The following OSBPL6 variants were observed in gnomAD, a reference collection of about 807,000 sequenced individuals.
The protein encoded by OSBPL6 is oxysterol-binding protein-related protein 6.
OSBPL6 carries 49 observed loss-of-function variants against 125.8 expected under a neutral mutation model. The ratio of observed to expected loss-of-function variants is 0.39; its 90% CI spans 0.31 to 0.49. The LOEUF (loss-of-function observed/expected upper bound fraction) is 0.49, where lower values mean the gene tolerates loss of function less well. Among genes scored for constraint, OSBPL6 ranks in the 20% least tolerant of loss-of-function variants. The pLI is 0.88. For synonymous variants in OSBPL6, 394 were observed against 391.8 expected (o/e 1.01, Z -0.07); for missense variants, 986 against 1,135.4 (o/e 0.87, Z 1.89).
At chr2:178,294,526 AG>A (rs1192949891) in intron 2 of OSBPL6, among the ~76,000 whole-genome samples, 1 of 152,186 alleles carries the variant, frequency 6.6e-6, no homozygotes, top group Non-Finnish European at 1.5e-5. Flanking sequence ...TAGTGCTAAG[AG>A]CAGGTTGTTG....
chr2:178,324,215 C>A lies in OSBPL6; in HGVS notation c.141C>A (p.Thr47=), dbSNP rs139099797. ...HILERTASSS[T]EPSVSRQLLE... is the part of the protein sequence containing the mutation. The stretch of plus-strand genomic sequence containing the variant: ...TGGAGAGGACTGCTTCCTCTAGCAC[C>A]GAGCCCTCTGTAAGTCGGCAATTGC... Residue 47 remains threonine, a synonymous_variant, in exon 4 of 25, where the codon ACC becomes ACA. Transcript: ENST00000190611. 10 of 1,582,966 alleles carry A rather than the reference C, an allele frequency of 6.3e-6. No individual in the cohort carries two copies. Among genetic ancestry groups the A allele is most frequent in the Non-Finnish European group, 7.8e-6 (9 of 1,158,790 alleles).
Position 178,265,191 on chromosome 2 carries a change from C to CTTTT in OSBPL6, c.-350-19701_-350-19698dup, listed in dbSNP as rs376718500. ...GTCACTTCCCCTGGCCCAGACGAGA[C>CTTTT]TTTTTTTTTTTTTTTTTTTTTTTTT... On this transcript the variant is annotated intron_variant, in intron 1 of 24. Transcript: ENST00000190611. Among the ~76,000 whole-genome samples, 46 of 33,728 alleles carry CTTTT rather than the reference C, an allele frequency of 1.4e-3. 16 individuals carry two copies. Among genetic ancestry groups the CTTTT allele is most frequent in the Non-Finnish European group, 2.5e-3 (38 of 15,220 alleles). The allele number at this position is 33,728 out of a possible 152,430, so 22.1% of individuals were successfully genotyped here. A position where few individuals can be genotyped will look rare whatever the true frequency, so the allele number is the denominator to read the frequency against.
At chr2:178,386,844 T>TA (rs1422770258) in intron 19 of OSBPL6, among the ~76,000 whole-genome samples, 3 of 151,340 alleles carry the variant, frequency 2.0e-5, no homozygotes, top group African/African-American at 7.3e-5. Flanking sequence ...TGGGGGTTTT[T>TA]TTTAGTTTTG....
At chr2:178,204,997 C>G (rs917654135) in intron 1 of OSBPL6, among the ~76,000 whole-genome samples, 2 of 152,176 alleles carry the variant, frequency 1.3e-5, no homozygotes, top group Non-Finnish European at 2.9e-5. Flanking sequence ...TACCCCCACA[C>G]TGTACCCCAC....
At chr2:178,310,248 T>A (rs1002795239) in intron 3 of OSBPL6, among the ~76,000 whole-genome samples, 30 of 152,106 alleles carry the variant, frequency 2.0e-4, no homozygotes, top group Admixed American at 2.0e-3. Flanking sequence ...CCTCAATACT[T>A]ATTTATGTTG....
chr2:178,256,647 C>G (rs1057001995), intron 1 of OSBPL6, among the ~76,000 whole-genome samples: 5 of 152,114 alleles, frequency 3.3e-5, no homozygotes, highest in African/African-American at 1.2e-4. Context: ...TTCCCGAAAG[C>G]CAATTCTTAA....
In OSBPL6 at chr2:178,201,727, C is replaced by T. The variant is rs1304174519; in HGVS notation, c.-351+7053C>T. On this transcript the variant is annotated intron_variant, in intron 1 of 24. Transcript: ENST00000190611. ...ACCATCACATGCCTAGATACTAAATCATCCTGACCTGGCACATGGTCCACA... is the reference window on the plus strand; with the variant it reads ...ACCATCACATGCCTAGATACTAAATTATCCTGACCTGGCACATGGTCCACA... Among the ~76,000 whole-genome samples, 4 of 152,184 alleles carry T rather than the reference C, an allele frequency of 2.6e-5. No homozygotes were observed. The East Asian group carries it at 7.7e-4, about 29-fold the overall frequency.
At chr2:178,228,999 C>T (rs1312779690) in intron 1 of OSBPL6, among the ~76,000 whole-genome samples, 1 of 152,206 alleles carries the variant, frequency 6.6e-6, no homozygotes, top group East Asian at 1.9e-4. Context: ...CAGCTCTGAA[C>T]TCTGGGAAGT....
At chr2:178,254,987 C>T (rs1204417861) in intron 1 of OSBPL6, among the ~76,000 whole-genome samples, 8 of 152,106 alleles carry the variant, frequency 5.3e-5, no homozygotes, top group Admixed American at 1.3e-4. Context: ...AGCAAAGTCA[C>T]GTCTTACAGG....
Position 178,324,221 on chromosome 2 carries a change from C to A in OSBPL6, c.147C>A (p.Pro49=). Residue 49 remains proline, a synonymous_variant, in exon 4 of 25, where the codon CCC becomes CCA. Coordinates refer to ENST00000190611, the MANE Select transcript of OSBPL6 (RefSeq NM_032523.4). ...LERTASSSTE[P]SVSRQLLEPE... ...GGACTGCTTCCTCTAGCACCGAGCC[C>A]TCTGTAAGTCGGCAATTGCTAGAAC... The A allele has an allele frequency of 6.3e-7, 1 of 1,584,014 alleles. No individual in the cohort carries two copies. The highest frequency in any genetic ancestry group is 1.3e-5 in the African/African-American group (1 of 74,676).
chr2:178,348,789 A>G (rs1574936905), intron 11 of OSBPL6, among the ~76,000 whole-genome samples: 2 of 152,230 alleles, frequency 1.3e-5, no homozygotes, highest in South Asian at 2.1e-4. Context: ...TGAATCTTCC[A>G]GTATATGCAT....
chr2:178,378,774 G>A (rs1331203169), intron 15 of OSBPL6, among the ~76,000 whole-genome samples: 2 of 152,172 alleles, frequency 1.3e-5, no homozygotes, highest in Non-Finnish European at 2.9e-5. Flanking sequence ...CATGTGACAT[G>A]TATACATCTT....
intron 1 of OSBPL6, among the ~76,000 whole-genome samples, chr2:178,220,192 G>C (rs1304040309): frequency 6.6e-6 from 1 of 152,120 alleles, no homozygotes; most frequent in South Asian, 2.1e-4. Flanking sequence ...TAGACATCGA[G>C]TTCCATTTTG....
chr2:178,230,272 T>C (rs2090761129), intron 1 of OSBPL6, among the ~76,000 whole-genome samples: 1 of 152,132 alleles, frequency 6.6e-6, no homozygotes, highest in Non-Finnish European at 1.5e-5. Context: ...AAGTGAAAAC[T>C]TGTGGAGGTG....
chr2:178,375,997 G>A (rs1693842384), intron 15 of OSBPL6, among the ~76,000 whole-genome samples: 1 of 152,222 alleles, frequency 6.6e-6, no homozygotes, highest in East Asian at 1.9e-4. Context: ...GTGGCAGAGA[G>A]CGGGATAAGA....
At chr2:178,278,112 G>A (rs560648951) in intron 1 of OSBPL6, among the ~76,000 whole-genome samples, 2 of 152,234 alleles carry the variant, frequency 1.3e-5, no homozygotes, top group Admixed American at 6.5e-5. Context: ...TGTTTGAAAT[G>A]TCCTTTATTC....
At chr2:178,230,252 A>G (rs2090760050) in intron 1 of OSBPL6, among the ~76,000 whole-genome samples, 1 of 152,174 alleles carries the variant, frequency 6.6e-6, no homozygotes, top group South Asian at 2.1e-4. Flanking sequence ...TAGTTGGCTG[A>G]TCATGTGCCA....
chr2:178,342,828 T>G (rs189333615), intron 11 of OSBPL6, among the ~76,000 whole-genome samples: 22 of 152,288 alleles, frequency 1.4e-4, no homozygotes, highest in Non-Finnish European at 2.6e-4. Context: ...GAATGAGGAA[T>G]AGTAGAAAGT....
intron 12 of OSBPL6, among the ~76,000 whole-genome samples, chr2:178,359,699 A>C (rs1692145114): frequency 6.6e-6 from 1 of 152,238 alleles, no homozygotes; most frequent in African/African-American, 2.4e-5. Flanking sequence ...TGGTATACAC[A>C]TACACAATGG....
Sources: gnomAD v4.1 joint callset for allele counts (sites outside exome capture counted in the v4.1 genomes callset) on GRCh38, gnomAD v4.1.1 for gene constraint, MANE v1.5 for transcripts, NCBI Gene and HGNC (gene_info 2026-07-23, HGNC 2026-07-21) for gene names.